ANK2: variants seen among roughly 807,000 people sequenced by gnomAD.
ANK2 encodes the protein ankyrin-2.
ANK2 carries 83 observed loss-of-function variants against 360.5 expected under a neutral mutation model. That is an observed-to-expected ratio of 0.23 (90% CI 0.19 to 0.28). The LOEUF is 0.28. ANK2 is among the 10% of genes least tolerant of loss of function. ANK2 has a pLI of 1.00. For missense variants in ANK2, 4,201 were observed against 4,795.7 expected (o/e 0.88, Z 3.66); for synonymous variants, 1,740 against 1,759.5 (o/e 0.99, Z 0.28).
chr4:113,040,461 C>G (rs1376720106), intron 2 of ANK2, among the ~76,000 whole-genome samples: 1 of 152,014 alleles, frequency 6.6e-6, no homozygotes, highest in Non-Finnish European at 1.5e-5. Context: ...AAAGCGAAAA[C>G]AAGCAGGTCC....
chr4:112,743,466 A>T, the ANK2 span, among the ~76,000 whole-genome samples: 9 of 151,834 alleles, frequency 5.9e-5, no homozygotes, highest in East Asian at 1.7e-3. Context: ...GTGCAAAAGT[A>T]ATCTCGGTCT....
In ANK2 at chr4:113,373,353, G is replaced by C; in HGVS notation, c.11763G>C (p.Gln3921His). 6.2e-7 allele frequency: 1 copy of C among 1,614,156 alleles called. No individual in the cohort carries two copies. Among genetic ancestry groups the C allele is most frequent in the Non-Finnish European group, 8.5e-7 (1 of 1,180,014 alleles). ...EGTEKEEIMV[Q>H]GMPQEPVNIE... ...CAGAGAAAGAAGAGATTATGGTGCA[G>C]GGAATGCCACAGGAACCTGTCAACA... The change falls in exon 45 of 46, where the codon CAG (glutamine) becomes CAC (histidine). Residue 3921 changes from glutamine to histidine, a missense_variant. This residue lies in a region of ANK2 where 2,642 missense variants were observed against 2,714.5 expected (regional missense o/e 0.97). Transcript: ENST00000357077.
chr4:112,864,799 G>A (rs1233616474), intron 1 of ANK2, among the ~76,000 whole-genome samples: 1 of 150,862 alleles, frequency 6.6e-6, no homozygotes, highest in Non-Finnish European at 1.5e-5. Context: ...TTGGGAGGCC[G>A]AGGCGGGCGG....
chr4:112,827,106 A>G, intron 1 of ANK2: 3 of 1,102,704 alleles, frequency 2.7e-6, no homozygotes, highest in Non-Finnish European at 4.2e-6. Flanking sequence ...GAAGCCTTCT[A>G]GAAAAACTGA....
intron 2 of ANK2, among the ~76,000 whole-genome samples, chr4:113,035,030 T>C (rs953939885): frequency 2.6e-5 from 4 of 151,936 alleles, no homozygotes; most frequent in Non-Finnish European, 5.9e-5. Context: ...TGGCTTGACA[T>C]CTACCTTCCA....
intron 1 of ANK2, among the ~76,000 whole-genome samples, chr4:113,077,230 TATC>T (rs1479175891): frequency 6.6e-6 from 1 of 152,160 alleles, no homozygotes; most frequent in African/African-American, 2.4e-5. Flanking sequence ...ATTCTCATCA[TATC>T]ATGTTAAGAG....
chr4:112,964,530 A>G (rs2036339931), intron 2 of ANK2, among the ~76,000 whole-genome samples: 1 of 151,170 alleles, frequency 6.6e-6, no homozygotes, highest in Non-Finnish European at 1.5e-5. Flanking sequence ...ATGGCTGCGT[A>G]GTACTCCTTT....
chr4:112,922,455 G>A (rs1432919388), intron 2 of ANK2, among the ~76,000 whole-genome samples: 1 of 152,218 alleles, frequency 6.6e-6, no homozygotes, highest in Non-Finnish European at 1.5e-5. Context: ...CAACTAGGCT[G>A]AATGTTGAGA....
intron 6 of ANK2, 55 bp from the exon 7 acceptor site, chr4:113,237,544 A>T (rs2099392994): frequency 6.5e-7 from 1 of 1,545,332 alleles, no homozygotes; most frequent in Non-Finnish European, 8.9e-7. Context: ...GACTGTTTCC[A>T]TAATTTTGCA....
At chr4:112,757,277 T>C in the ANK2 span, among the ~76,000 whole-genome samples, 1 of 151,874 alleles carries the variant, frequency 6.6e-6, no homozygotes, top group Admixed American at 6.6e-5. Flanking sequence ...CAAGCCCGGC[T>C]AATTTTCTTT....
intron 4 of ANK2, among the ~76,000 whole-genome samples, chr4:113,206,192 C>T (rs2098945355): frequency 1.3e-5 from 2 of 152,130 alleles, no homozygotes; most frequent in African/African-American, 4.8e-5. Flanking sequence ...ATTAACCCAT[C>T]ACCTAGGTAT....
chr4:112,991,615 C>CTTTTTTTTTTTTTTTTT (rs1363502696), intron 2 of ANK2, among the ~76,000 whole-genome samples: 5 of 80,654 alleles, frequency 6.2e-5, no homozygotes, highest in South Asian at 4.7e-4. Flanking sequence ...TCTTTTCTTT[C>CTTTTTTTTTTTTTTTTT]TTTCTTTTTT....
chr4:112,879,643 T>C (rs2076178415), intron 1 of ANK2, among the ~76,000 whole-genome samples: 1 of 151,990 alleles, frequency 6.6e-6, no homozygotes, highest in African/African-American at 2.4e-5. Context: ...ATGCAGAGGG[T>C]TTTTCGTTAG....
intron 4 of ANK2, among the ~76,000 whole-genome samples, chr4:113,219,880 G>T (rs1396293723): frequency 6.6e-6 from 1 of 151,992 alleles, no homozygotes; most frequent in Non-Finnish European, 1.5e-5. Context: ...TACCAACTAG[G>T]ATACCTTCAA....
intron 1 of ANK2, among the ~76,000 whole-genome samples, chr4:112,875,443 G>A (rs1029916685): frequency 2.0e-5 from 3 of 151,968 alleles, no homozygotes; most frequent in African/African-American, 4.8e-5. Context: ...CTCTTGAGTT[G>A]CTTGGACTAC....
Position 113,217,006 on chromosome 4 carries a change from C to T in ANK2, c.385-15155C>T, listed in dbSNP as rs181196299. On this transcript the variant is annotated intron_variant, in intron 4 of 45. Coordinates refer to ENST00000357077, the MANE Select transcript of ANK2 (RefSeq NM_001148.6). ...ATTTTCACGATTTGCATGAATCAACCTTGCCACATCATATGCTAATCAGAG... is the reference window on the plus strand; with the variant it reads ...ATTTTCACGATTTGCATGAATCAACTTTGCCACATCATATGCTAATCAGAG... 3 of 152,230 alleles carry T rather than the reference C, an allele frequency of 2.0e-5. No individual in the cohort carries two copies. The East Asian group carries it at 5.8e-4, about 29-fold the overall frequency. The allele number at this position is 152,230 out of a possible 1,614,324, so 9.4% of individuals were successfully genotyped here.
chr4:113,248,239 A>G (rs911912812), intron 9 of ANK2, among the ~76,000 whole-genome samples: 1 of 152,160 alleles, frequency 6.6e-6, no homozygotes, highest in African/African-American at 2.4e-5. Context: ...TGAAGGGTCT[A>G]TTTATAATAT....
chr4:112,848,711 A>G (rs780140511), intron 1 of ANK2, among the ~76,000 whole-genome samples: 12 of 152,050 alleles, frequency 7.9e-5, no homozygotes, highest in Admixed American at 2.6e-4. Context: ...GAGCTCCTTG[A>G]AGGTAGGAGT....
At position 113,354,400 on chromosome 4, in the gene ANK2, G is replaced by C; in HGVS notation, c.5782G>C (p.Val1928Leu). The C allele has an allele frequency of 1.2e-6, 2 of 1,614,074 alleles. No individual in the cohort carries two copies. The highest frequency in any genetic ancestry group is 1.3e-5 in the African/African-American group (1 of 75,036). ...PSGRTEKHPP[V>L]SPGRTEKRLP... Reference sequence around the variant, plus strand: ...CGGGAGGACAGAAAAACACCCGCCAGTATCGCCTGGGAGAACAGAAAAACG... The same window carrying C: ...CGGGAGGACAGAAAAACACCCGCCACTATCGCCTGGGAGAACAGAAAAACG... Residue 1928 changes from valine (V) to leucine (L), a missense_variant, in exon 38 of 46, where the codon GTA becomes CTA. Around this residue, in one of 4 missense-constraint regions of ANK2, gnomAD observed 2,642 missense variants for 2,714.5 expected, o/e 0.97. Transcript: ENST00000357077.
Sources: allele counts gnomAD v4.1 joint callset (sites outside exome capture counted in the v4.1 genomes callset), GRCh38; gene constraint gnomAD v4.1.1; regional missense constraint gnomAD v4.1.1; transcripts MANE v1.5; gene names NCBI Gene and HGNC (gene_info 2026-07-23, HGNC 2026-07-21).